MAF: variants seen among roughly 807,000 people sequenced by gnomAD.
MAF encodes MAF bZIP transcription factor.
Under a neutral mutation model 22.0 loss-of-function variants are expected in MAF, and 10 were observed. That is an observed-to-expected ratio of 0.45 (90% CI 0.28 to 0.77). The LOEUF (loss-of-function observed/expected upper bound fraction) is 0.77. Among genes scored for constraint, MAF ranks in the 30% least tolerant of loss-of-function variants. The probability of loss-of-function intolerance (pLI) is 0.12; values close to 1 mark genes in which losing one functional copy is unlikely to be tolerated. For synonymous variants in MAF, 337 were observed against 255.8 expected (o/e 1.32, Z -3.03); for missense variants, 544 against 548.4 (o/e 0.99, Z 0.08).
the MAF span, among the ~76,000 whole-genome samples, chr16:79,576,266 G>C: frequency 7.5e-6 from 1 of 133,746 alleles, no homozygotes; most frequent in East Asian, 2.2e-4. Context: ...AAAAGGACCA[G>C]TACTTTAGGC....
chr16:79,338,931 C>T, the MAF span, among the ~76,000 whole-genome samples: 1 of 152,132 alleles, frequency 6.6e-6, no homozygotes, highest in Non-Finnish European at 1.5e-5. Flanking sequence ...AGTTATGGCT[C>T]AGAAGGGACA....
At chr16:79,333,597 C>A in the MAF span, among the ~76,000 whole-genome samples, 1 of 152,156 alleles carries the variant, frequency 6.6e-6, no homozygotes, top group Non-Finnish European at 1.5e-5. Flanking sequence ...AAATTTGATA[C>A]TGAGTTACAT....
At chr16:79,485,876 T>C in the MAF span, among the ~76,000 whole-genome samples, 1 of 152,268 alleles carries the variant, frequency 6.6e-6, no homozygotes, top group Non-Finnish European at 1.5e-5. Context: ...ATTAGCAAAT[T>C]AGCAGAAAGG....
chr16:79,446,452 AC>A, the MAF span, among the ~76,000 whole-genome samples: 1 of 151,998 alleles, frequency 6.6e-6, no homozygotes, highest in Non-Finnish European at 1.5e-5. Flanking sequence ...GCACCCTTTC[AC>A]CTCTAGAAGT....
chr16:79,232,500 A>T, the MAF span, among the ~76,000 whole-genome samples: 443 of 152,200 alleles, frequency 2.9e-3, 9 homozygotes, highest in Admixed American at 0.023. Context: ...GATACAACAT[A>T]ATATCCCAGC....
chr16:79,371,887 C>T, the MAF span, among the ~76,000 whole-genome samples: 7 of 152,188 alleles, frequency 4.6e-5, no homozygotes, highest in African/African-American at 1.7e-4. Context: ...TTAAACTCTG[C>T]CTGTTGGTAG....
chr16:79,206,886 T>G, the MAF span: 1 of 152,244 alleles, frequency 6.6e-6, no homozygotes, highest in Non-Finnish European at 1.5e-5. Context: ...ATGTGTCCCC[T>G]AAAAGATTGC....
the MAF span, among the ~76,000 whole-genome samples, chr16:79,537,934 T>C: frequency 6.6e-6 from 1 of 152,178 alleles, no homozygotes; most frequent in African/African-American, 2.4e-5. Flanking sequence ...TTAACCCCAT[T>C]TCACAGACGC....
chr16:79,546,528 C>T, the MAF span, among the ~76,000 whole-genome samples: 5 of 152,178 alleles, frequency 3.3e-5, no homozygotes, highest in Admixed American at 3.3e-4. Context: ...ACAGCTACAC[C>T]TATTCCATTT....
the MAF span, among the ~76,000 whole-genome samples, chr16:79,364,753 G>C: frequency 6.6e-6 from 1 of 152,200 alleles, no homozygotes. Context: ...CTTCAAGGCA[G>C]GGTCCTATGC....
the MAF span, among the ~76,000 whole-genome samples, chr16:79,316,758 A>T: frequency 6.6e-6 from 1 of 152,130 alleles, no homozygotes; most frequent in Non-Finnish European, 1.5e-5. Context: ...GGAGATAGGG[A>T]CAGAGGAAGG....
the MAF span, among the ~76,000 whole-genome samples, chr16:79,540,134 G>A: frequency 1.6e-4 from 24 of 152,112 alleles, no homozygotes; most frequent in East Asian, 4.6e-3. Flanking sequence ...CACCACAGGA[G>A]CATGCAGCCA....
the MAF span, among the ~76,000 whole-genome samples, chr16:79,284,246 G>T: frequency 6.6e-6 from 1 of 152,138 alleles, no homozygotes; most frequent in Non-Finnish European, 1.5e-5. Context: ...CCTTTGGTAT[G>T]AAGGTCTTGA....
At chr16:79,215,186 C>G in the MAF span, among the ~76,000 whole-genome samples, 3 of 152,180 alleles carry the variant, frequency 2.0e-5, no homozygotes, top group African/African-American at 7.2e-5. Context: ...TGCAGATTGC[C>G]TGCACCAGTG....
intron 1 of MAF, chr16:79,595,236 A>G: frequency 9.6e-7 from 1 of 1,043,176 alleles, no homozygotes; most frequent in Non-Finnish European, 1.2e-6. Flanking sequence ...GTGTGGATTC[A>G]GGAGCCTGTC....
chr16:79,559,646 A>G, the MAF span, among the ~76,000 whole-genome samples: 2 of 151,318 alleles, frequency 1.3e-5, no homozygotes, highest in African/African-American at 4.9e-5. Flanking sequence ...TAAAAAAAAA[A>G]CTGCTGTACA....
chr16:79,570,876 G>C, the MAF span, among the ~76,000 whole-genome samples: 1 of 152,196 alleles, frequency 6.6e-6, no homozygotes, highest in Non-Finnish European at 1.5e-5. Context: ...AATGCTGAGC[G>C]TAAGGAGGAA....
intron 1 of MAF, chr16:79,597,027 A>G: frequency 9.5e-7 from 1 of 1,055,548 alleles, no homozygotes; most frequent in Non-Finnish European, 1.1e-6. Context: ...TTCCCCTCTT[A>G]ATACTTTGGT....
At chr16:79,243,233 A>C in the MAF span, among the ~76,000 whole-genome samples, 1 of 151,944 alleles carries the variant, frequency 6.6e-6, no homozygotes, top group Non-Finnish European at 1.5e-5. Context: ...AGACACAAAA[A>C]ACCCTTAAAA....
Sources: allele counts gnomAD v4.1 joint callset (sites outside exome capture counted in the v4.1 genomes callset), GRCh38; gene constraint gnomAD v4.1.1; transcripts MANE v1.5; gene names NCBI Gene and HGNC (gene_info 2026-07-23, HGNC 2026-07-21).